Variants in SGCD observed in about 807,000 individuals in gnomAD.
SGCD encodes the protein delta-sarcoglycan.
Under a neutral mutation model 36.6 loss-of-function variants are expected in SGCD, and 18 were observed. The observed-to-expected ratio is 0.49, with a 90% CI of 0.34 to 0.73. The LOEUF is 0.73. Among genes scored for constraint, SGCD ranks in the 30% least tolerant of loss-of-function variants. The probability of loss-of-function intolerance (pLI) is 0.01; values close to 1 mark genes in which losing one functional copy is unlikely to be tolerated. For missense variants in SGCD, 387 were observed against 346.7 expected, an observed-to-expected ratio of 1.12 and a Z score of -0.92; for synonymous variants, 133 against 130.6, an observed-to-expected ratio of 1.02 and a Z score of -0.12.
At chr5:156,007,314 C>A (rs753088379) in intron 1 of SGCD, among the ~76,000 whole-genome samples, 3 of 152,224 alleles carry the variant, frequency 2.0e-5, no homozygotes, top group African/African-American at 7.2e-5. Flanking sequence ...ACCCTGAATC[C>A]AAATCTTTAA....
At chr5:156,601,723 G>A (rs981244917) in intron 6 of SGCD, among the ~76,000 whole-genome samples, 24 of 152,028 alleles carry the variant, frequency 1.6e-4, no homozygotes, top group Non-Finnish European at 3.1e-4. Context: ...TGGCTCTGTC[G>A]CCCATGCTGG....
At chr5:156,423,178 T>TA (rs1226756648) in intron 3 of SGCD, among the ~76,000 whole-genome samples, 29 of 91,242 alleles carry the variant, frequency 3.2e-4, no homozygotes, top group African/African-American at 6.4e-4. Flanking sequence ...TTTAATATAA[T>TA]TAATTATATA....
chr5:156,386,416 A>G (rs1046233108), intron 3 of SGCD, among the ~76,000 whole-genome samples: 1 of 152,250 alleles, frequency 6.6e-6, no homozygotes, highest in Non-Finnish European at 1.5e-5. Flanking sequence ...AAGTGCAAAT[A>G]CAATACATGT....
At chr5:156,143,733 T>G (rs1762631676) in intron 3 of SGCD, among the ~76,000 whole-genome samples, 1 of 152,142 alleles carries the variant, frequency 6.6e-6, no homozygotes, top group Admixed American at 6.5e-5. Flanking sequence ...TTCTTTTTTT[T>G]GCAATTTTTT....
At chr5:156,646,063 G>C (rs1763212619) in intron 6 of SGCD, among the ~76,000 whole-genome samples, 1 of 152,094 alleles carries the variant, frequency 6.6e-6, no homozygotes, top group Admixed American at 6.6e-5. Flanking sequence ...CTAATGAGTG[G>C]CTTTGAAATC....
chr5:156,479,540 G>T (rs1755336014), intron 3 of SGCD, among the ~76,000 whole-genome samples: 2 of 152,234 alleles, frequency 1.3e-5, no homozygotes, highest in East Asian at 1.9e-4. Context: ...TTGAGTTTGG[G>T]ACCCCTGTCT....
At chr5:156,682,984 G>A (rs943230680) in intron 7 of SGCD, among the ~76,000 whole-genome samples, 2 of 152,148 alleles carry the variant, frequency 1.3e-5, no homozygotes, top group African/African-American at 4.8e-5. Flanking sequence ...CCCCAAGAAA[G>A]CAAAGGATAT....
At chr5:156,068,085 C>G (rs886297408) in intron 1 of SGCD, among the ~76,000 whole-genome samples, 5 of 151,204 alleles carry the variant, frequency 3.3e-5, no homozygotes, top group Non-Finnish European at 5.9e-5. Context: ...CTGTGATGTC[C>G]CTAGAATTTT....
At chr5:156,277,105 C>G (rs985880500) in intron 3 of SGCD, among the ~76,000 whole-genome samples, 4 of 152,116 alleles carry the variant, frequency 2.6e-5, no homozygotes, top group African/African-American at 9.7e-5. Flanking sequence ...TTTTCTAATT[C>G]CAAGATTTAA....
At chr5:156,298,886 T>A (rs1766973660) in intron 3 of SGCD, among the ~76,000 whole-genome samples, 1 of 152,228 alleles carries the variant, frequency 6.6e-6, no homozygotes, top group South Asian at 2.1e-4. Context: ...TTTCTTTCAT[T>A]GTTTGAGTTG....
intron 1 of SGCD, among the ~76,000 whole-genome samples, chr5:155,992,289 C>G (rs1758446771): frequency 6.6e-6 from 1 of 152,114 alleles, no homozygotes; most frequent in African/African-American, 2.4e-5. Context: ...ACAGGTTATA[C>G]AAATGACTGC....
At chr5:155,984,776 C>A (rs1258135487) in intron 1 of SGCD, among the ~76,000 whole-genome samples, 1 of 152,162 alleles carries the variant, frequency 6.6e-6, no homozygotes, top group Non-Finnish European at 1.5e-5. Flanking sequence ...ACCCCTCCAC[C>A]AGAACCTCTG....
At chr5:156,195,642 T>G (rs986870758) in intron 3 of SGCD, among the ~76,000 whole-genome samples, 21 of 152,296 alleles carry the variant, frequency 1.4e-4, no homozygotes, top group African/African-American at 5.1e-4. Flanking sequence ...TACAGGGTTT[T>G]TGTTAGGCTG....
intron 1 of SGCD, among the ~76,000 whole-genome samples, chr5:156,082,202 C>A (rs932549001): frequency 8.1e-5 from 11 of 136,476 alleles, no homozygotes; most frequent in African/African-American, 2.5e-4. Context: ...CTTCAGAGAA[C>A]AATTTCATCC....
chr5:156,706,424 T>C (rs1021029771), intron 7 of SGCD, among the ~76,000 whole-genome samples: 1 of 152,122 alleles, frequency 6.6e-6, no homozygotes, highest in South Asian at 2.1e-4. Context: ...TCATGATCAG[T>C]GTGTAGCTGT....
chr5:156,050,733 T>C (rs1759894520), intron 1 of SGCD, among the ~76,000 whole-genome samples: 1 of 146,712 alleles, frequency 6.8e-6, no homozygotes, highest in African/African-American at 2.5e-5. Flanking sequence ...TTCTTGATGC[T>C]CTAGGAGATA....
At chr5:156,424,212 G>T (rs1773567873) in intron 3 of SGCD, among the ~76,000 whole-genome samples, 1 of 151,886 alleles carries the variant, frequency 6.6e-6, no homozygotes, top group Non-Finnish European at 1.5e-5. Context: ...TTGTATGCAT[G>T]TATCTAATTT....
At chr5:156,072,318 C>A (rs886790954) in intron 1 of SGCD, among the ~76,000 whole-genome samples, 8 of 151,944 alleles carry the variant, frequency 5.3e-5, no homozygotes, top group Non-Finnish European at 1.5e-5. Flanking sequence ...TCTTTTAGGG[C>A]AGGTCTGGTG....
chr5:156,341,861 G>C (rs1768674032), intron 2 of SGCD, among the ~76,000 whole-genome samples: 1 of 152,146 alleles, frequency 6.6e-6, no homozygotes, highest in African/African-American at 2.4e-5. Context: ...ACAGGCACCT[G>C]CCACCATGCC....
Sources: gnomAD v4.1 joint callset for allele counts (sites outside exome capture counted in the v4.1 genomes callset) on GRCh38, gnomAD v4.1.1 for gene constraint, MANE v1.5 for transcripts, NCBI Gene and HGNC (gene_info 2026-07-23, HGNC 2026-07-21) for gene names.